Variants in AUTS2 observed in about 807,000 individuals in gnomAD.
AUTS2 encodes the protein autism susceptibility gene 2 protein.
A neutral mutation model predicts 112.4 loss-of-function variants in AUTS2; 17 were observed. The ratio of observed to expected loss-of-function variants is 0.15; its 90% CI spans 0.10 to 0.23. AUTS2 has a LOEUF of 0.23. Ranked by LOEUF, AUTS2 falls within the 10% of genes least tolerant of loss-of-function variation. AUTS2 has a pLI of 1.00. For missense variants in AUTS2, 1,510 were observed against 1,701.6 expected (o/e 0.89, Z 1.98); for synonymous variants, 751 against 702.7 (o/e 1.07, Z -1.09).
chr7:69,758,691 G>A (rs761568635), intron 1 of AUTS2, among the ~76,000 whole-genome samples: 4 of 152,136 alleles, frequency 2.6e-5, no homozygotes, highest in African/African-American at 7.2e-5. Flanking sequence ...TCCAACCTCC[G>A]TATTGTCCTT....
chr7:70,255,866 T>G (rs1245947482), intron 4 of AUTS2, among the ~76,000 whole-genome samples: 4 of 152,112 alleles, frequency 2.6e-5, no homozygotes, highest in Non-Finnish European at 4.4e-5. Context: ...TAAAACAGAG[T>G]AAGGCCTAGA....
At chr7:70,584,890 C>T (rs943289401) in intron 5 of AUTS2, among the ~76,000 whole-genome samples, 2 of 152,242 alleles carry the variant, frequency 1.3e-5, no homozygotes, top group Non-Finnish European at 1.5e-5. Flanking sequence ...GAAGCCTGGC[C>T]TCACCCAGCC....
At chr7:70,446,470 A>G (rs539245014) in intron 5 of AUTS2, among the ~76,000 whole-genome samples, 7 of 152,192 alleles carry the variant, frequency 4.6e-5, no homozygotes, top group Admixed American at 3.9e-4. Flanking sequence ...TTGTGTAGAA[A>G]ATTTGTATTT....
chr7:70,776,909 G>C lies in AUTS2; in HGVS notation c.1933-194G>C, dbSNP rs960091771. On this transcript the variant is annotated intron_variant, in intron 13 of 18. Transcript: ENST00000342771. ...AGTAGCAAACCCACGTGGGGAGAGA[G>C]GGGGAGCTGGCTGTGACTCCCTTAT... 2.1e-4 allele frequency: 130 copies of C among 626,966 alleles called. No homozygotes were observed. The South Asian group carries it at 2.3e-3, about 11-fold the overall frequency. 38.8% of individuals were successfully genotyped at this position (626,966 alleles called of 1,614,324 possible). A position where few individuals can be genotyped will look rare whatever the true frequency, so the allele number is the denominator to read the frequency against.
chr7:70,657,743 C>T (rs541165983), intron 5 of AUTS2, among the ~76,000 whole-genome samples: 7 of 152,300 alleles, frequency 4.6e-5, no homozygotes, highest in African/African-American at 1.4e-4. Flanking sequence ...CCTGTCATGG[C>T]ATGGGATCCC....
intron 2 of AUTS2, among the ~76,000 whole-genome samples, chr7:69,997,018 G>T (rs1798978435): frequency 6.7e-6 from 1 of 149,108 alleles, no homozygotes; most frequent in Non-Finnish European, 1.5e-5. Flanking sequence ...TTCAGGGTTG[G>T]CCCTGGGCAT....
At chr7:70,649,780 G>A (rs1806395639) in intron 5 of AUTS2, among the ~76,000 whole-genome samples, 3 of 152,102 alleles carry the variant, frequency 2.0e-5, no homozygotes, top group South Asian at 2.1e-4. Context: ...CACCCGCCTC[G>A]GTGTCCAAAG....
intron 1 of AUTS2, among the ~76,000 whole-genome samples, chr7:69,679,159 G>T (rs936316720): frequency 2.0e-5 from 3 of 152,180 alleles, no homozygotes; most frequent in African/African-American, 7.2e-5. Context: ...ATTGTGACTG[G>T]CCAAGGCCAG....
At chr7:69,766,596 C>T (rs1487031792) in intron 1 of AUTS2, among the ~76,000 whole-genome samples, 2 of 152,154 alleles carry the variant, frequency 1.3e-5, no homozygotes, top group African/African-American at 2.4e-5. Context: ...GGTCTCCACG[C>T]TGCCTTGAGT....
At chr7:70,558,328 G>A (rs1370858501) in intron 5 of AUTS2, among the ~76,000 whole-genome samples, 1 of 152,162 alleles carries the variant, frequency 6.6e-6, no homozygotes, top group Non-Finnish European at 1.5e-5. Flanking sequence ...GGCAAGAAAA[G>A]ACCAAACTGT....
chr7:70,065,213 A>C (rs541145144), intron 2 of AUTS2, among the ~76,000 whole-genome samples: 48 of 152,130 alleles, frequency 3.2e-4, no homozygotes, highest in Admixed American at 2.9e-3. Context: ...CATTTTGGTG[A>C]TATATTAGAT....
At chr7:70,664,557 A>G (rs1438736275) in intron 5 of AUTS2, among the ~76,000 whole-genome samples, 2 of 152,190 alleles carry the variant, frequency 1.3e-5, no homozygotes, top group Admixed American at 6.5e-5. Context: ...TACTAAGGGT[A>G]TATTTGTGGC....
At chr7:70,157,092 G>C (rs74445431) in intron 4 of AUTS2, among the ~76,000 whole-genome samples, 1 of 150,944 alleles carries the variant, frequency 6.6e-6, no homozygotes, top group Admixed American at 6.6e-5. Context: ...AAAAAAAAAA[G>C]CAAGTGAAAT....
intron 2 of AUTS2, among the ~76,000 whole-genome samples, chr7:70,063,966 G>A (rs974129228): frequency 5.3e-5 from 8 of 152,238 alleles, no homozygotes; most frequent in Non-Finnish European, 1.2e-4. Flanking sequence ...TAGTTACTGA[G>A]TTCTAAATTC....
chr7:70,604,423 G>C (rs2129530542), intron 5 of AUTS2, among the ~76,000 whole-genome samples: 1 of 152,330 alleles, frequency 6.6e-6, no homozygotes, highest in Non-Finnish European at 1.5e-5. Context: ...GTTCACCCTT[G>C]CTCTGCAGCA....
chr7:70,205,582 C>CT (rs932868352), intron 4 of AUTS2, among the ~76,000 whole-genome samples: 2 of 152,138 alleles, frequency 1.3e-5, no homozygotes, highest in Non-Finnish European at 2.9e-5. Context: ...CAGTAACATG[C>CT]TGTAGAGGTT....
rs928845019 is a variant in AUTS2 at position 70,528,102 on chromosome 7, T to TA, written c.690+92321_690+92322insA. On this transcript the variant is annotated intron_variant, in intron 5 of 18. Transcript: ENST00000342771. Reference sequence around the variant, plus strand: ...TCACTTAAATTTAAGGATTTTTTTTTTTTTTTTTTTTTTTTTTACTGGAGT... The same window carrying TA: ...TCACTTAAATTTAAGGATTTTTTTTTATTTTTTTTTTTTTTTTTACTGGAGT... Among the ~76,000 whole-genome samples, 16 of 103,230 alleles carry TA rather than the reference T, an allele frequency of 1.5e-4. No homozygotes were observed. In the East Asian group the frequency reaches 1.9e-3, roughly 12 times the overall value. The allele number at this position is 103,230 out of a possible 152,430, so 67.7% of individuals were successfully genotyped here. A position where few individuals can be genotyped will look rare whatever the true frequency, so the allele number is the denominator to read the frequency against.
intron 5 of AUTS2, among the ~76,000 whole-genome samples, chr7:70,610,541 TC>T (rs1029189248): frequency 2.0e-4 from 29 of 145,730 alleles, no homozygotes; most frequent in African/African-American, 6.6e-4. Flanking sequence ...GCTCAGGCTT[TC>T]CCCCCACTTC....
intron 1 of AUTS2, among the ~76,000 whole-genome samples, chr7:69,772,400 A>G (rs907690767): frequency 6.6e-6 from 1 of 152,210 alleles, no homozygotes; most frequent in Admixed American, 6.5e-5. Context: ...GTGCAGTCTG[A>G]TAGAGGTATA....
Sources: gnomAD v4.1 joint callset for allele counts (sites outside exome capture counted in the v4.1 genomes callset) on GRCh38, gnomAD v4.1.1 for gene constraint, MANE v1.5 for transcripts, NCBI Gene and HGNC (gene_info 2026-07-23, HGNC 2026-07-21) for gene names.